SPEF2: variants seen among roughly 807,000 people sequenced by gnomAD.
SPEF2 encodes the protein sperm flagella and cilia-associated protein 2.
Under a neutral mutation model 224.6 loss-of-function variants are expected in SPEF2, and 187 were observed. The observed-to-expected ratio is 0.83, with a 90% CI of 0.74 to 0.94. The LOEUF (loss-of-function observed/expected upper bound fraction) is 0.94. SPEF2 is among the 40% of genes least tolerant of loss of function. The pLI, the probability that SPEF2 is intolerant of heterozygous loss-of-function variation, is 0.00. For missense variants in SPEF2, 2,170 were observed against 2,135.6 expected, an observed-to-expected ratio of 1.02 and a Z score of -0.32; for synonymous variants, 715 against 707.3, an observed-to-expected ratio of 1.01 and a Z score of -0.17.
intron 10 of SPEF2, chr5:35,675,786 T>G (rs1751913266): frequency 7.9e-6 from 3 of 377,410 alleles, no homozygotes; most frequent in South Asian, 5.9e-5. Flanking sequence ...GAGCAGAACA[T>G]CAATGTATTA....
At chr5:35,717,446 C>T (rs895365729) in intron 20 of SPEF2, among the ~76,000 whole-genome samples, 3 of 152,150 alleles carry the variant, frequency 2.0e-5, no homozygotes, top group Non-Finnish European at 2.9e-5. Flanking sequence ...TGCTACCAAG[C>T]CACTTAAAAT....
intron 8 of SPEF2, among the ~76,000 whole-genome samples, chr5:35,663,527 C>G (rs1324969795): frequency 1.3e-5 from 2 of 152,088 alleles, no homozygotes; most frequent in Non-Finnish European, 2.9e-5. Flanking sequence ...CTTATTCTTC[C>G]ATACCCAAAA....
intron 2 of SPEF2, among the ~76,000 whole-genome samples, chr5:35,635,579 C>T (rs188252): frequency 0.25 from 38,131 of 152,018 alleles, 7,277 homozygotes; most frequent in African/African-American, 0.54. Context: ...TCACCAAAAA[C>T]GTCAAATCCT....
At position 35,787,729 on chromosome 5, in the gene SPEF2, A is replaced by G. The variant is rs560381563; in HGVS notation, c.4448-4611A>G. 22 of 512,714 alleles carry G rather than the reference A, an allele frequency of 4.3e-5. No individual in the cohort carries two copies. In the South Asian group the frequency reaches 8.4e-4, roughly 19 times the overall value. The allele number at this position is 512,714 out of a possible 1,614,324, so 31.8% of individuals were successfully genotyped here. A position where few individuals can be genotyped will look rare whatever the true frequency, so the allele number is the denominator to read the frequency against. The stretch of plus-strand genomic sequence containing the variant: ...TGATATAAACTAGTTAAAGCACTTA[A>G]CAGAATGCCTGGTAATTAATAAGCA... On this transcript the variant is annotated intron_variant, in intron 30 of 36. Transcript: ENST00000356031.
At chr5:35,699,949 G>A (rs1464820004) in intron 15 of SPEF2, 1 of 153,306 alleles carries the variant, frequency 6.5e-6, no homozygotes, top group Non-Finnish European at 1.5e-5. Context: ...CCCACATGTT[G>A]TGGGAGGGAC....
At chr5:35,637,079 A>G (rs1469183814) in intron 2 of SPEF2, among the ~76,000 whole-genome samples, 1 of 152,036 alleles carries the variant, frequency 6.6e-6, no homozygotes, top group African/African-American at 2.4e-5. Context: ...ATGACTGCTA[A>G]ACTGCTGGTT....
At chr5:35,794,457 A>C (rs1378164149) in intron 32 of SPEF2, among the ~76,000 whole-genome samples, 1 of 152,166 alleles carries the variant, frequency 6.6e-6, no homozygotes, top group Non-Finnish European at 1.5e-5. Flanking sequence ...GGAAAAACAC[A>C]AACTATGACA....
chr5:35,738,721 T>C (rs1183527662), intron 21 of SPEF2, among the ~76,000 whole-genome samples: 1 of 151,480 alleles, frequency 6.6e-6, no homozygotes, highest in Non-Finnish European at 1.5e-5. Flanking sequence ...GTCTGTGGGG[T>C]TGGCTATTGT....
rs1747378980 is a variant in SPEF2 at position 35,740,215 on chromosome 5, A to T, written c.3278A>T (p.Asp1093Val). ...CAGGCTGATTTCAACTCCCTTCCTGATGACCTGTGGGATGATGAGGAAACA... is the reference window on the plus strand; with the variant it reads ...CAGGCTGATTTCAACTCCCTTCCTGTTGACCTGTGGGATGATGAGGAAACA... ...QWQADFNSLP[D>V]DLWDDEETKA... The change falls in exon 23 of 37, where the codon GAT (aspartate) becomes GTT (valine). Residue 1093 changes from aspartate to valine, a missense_variant. Physicochemically the swap from Asp to Val is radical, Grantham distance 152. Transcript: ENST00000356031. 1 of 1,614,142 alleles carries T rather than the reference A, an allele frequency of 6.2e-7. No individual in the cohort carries two copies. The highest frequency in any genetic ancestry group is 2.2e-5 in the East Asian group (1 of 44,866).
At chr5:35,661,257 TATATATATA>T (rs1749663586) in intron 8 of SPEF2, among the ~76,000 whole-genome samples, 24 of 6,236 alleles carry the variant, frequency 3.8e-3, no homozygotes, top group African/African-American at 5.0e-3. Flanking sequence ...GTATATATTA[TATATATATA>T]TATATATATA....
intron 21 of SPEF2, among the ~76,000 whole-genome samples, chr5:35,738,953 G>A (rs2149687403): frequency 6.6e-6 from 1 of 152,132 alleles, no homozygotes; most frequent in Middle Eastern, 3.4e-3. Context: ...AGCTTTACCA[G>A]CAATTTGATG....
intron 2 of SPEF2, among the ~76,000 whole-genome samples, chr5:35,630,867 G>A (rs1281667578): frequency 6.6e-6 from 1 of 152,006 alleles, no homozygotes; most frequent in African/African-American, 2.4e-5. Context: ...ATCTCTGTGT[G>A]GCTATTAGAA....
chr5:35,771,836 T>C, intron 27 of SPEF2, 80 bp downstream of exon 27: 1 of 1,486,548 alleles, frequency 6.7e-7, no homozygotes, highest in Non-Finnish European at 9.0e-7. Context: ...CTGGACACAT[T>C]ATTAGCCTCT....
At chr5:35,629,404 G>A (rs1744770398) in intron 2 of SPEF2, among the ~76,000 whole-genome samples, 1 of 151,586 alleles carries the variant, frequency 6.6e-6, no homozygotes, top group African/African-American at 2.4e-5. Context: ...TGATCCACTT[G>A]TCTCAGCCTC....
In SPEF2 at chr5:35,695,595, T is replaced by C. The variant is rs1049262528; in HGVS notation, c.1976-140T>C. The C allele has an allele frequency of 8.5e-6, 5 of 591,172 alleles. No individual in the cohort carries two copies. The Admixed American group carries it at 1.7e-4, about 20-fold the overall frequency. 36.6% of individuals were successfully genotyped at this position (591,172 alleles called of 1,614,324 possible). On this transcript the variant is annotated intron_variant, in intron 13 of 36. Transcript: ENST00000356031. Reference sequence around the variant, plus strand: ...GGTAAAAGCTATGCTGTGGTGATTCTATTACTTCCTTCCTCTGAGCATCTC... The same window carrying C: ...GGTAAAAGCTATGCTGTGGTGATTCCATTACTTCCTTCCTCTGAGCATCTC...
At chr5:35,619,222 T>G (rs1743118812) in intron 1 of SPEF2, among the ~76,000 whole-genome samples, 1 of 152,228 alleles carries the variant, frequency 6.6e-6, no homozygotes, top group African/African-American at 2.4e-5. Context: ...AACTGTTTAT[T>G]TGCTAAAATA....
At chr5:35,785,638 C>A (rs961425691) in intron 30 of SPEF2, among the ~76,000 whole-genome samples, 2 of 137,268 alleles carry the variant, frequency 1.5e-5, no homozygotes, top group Non-Finnish European at 3.0e-5. Flanking sequence ...TCAGCACAAC[C>A]CCCCCCCACC....
intron 10 of SPEF2, 33 bp downstream of exon 10, chr5:35,670,260 C>T: frequency 6.5e-7 from 1 of 1,543,788 alleles, no homozygotes; most frequent in Non-Finnish European, 8.7e-7. Flanking sequence ...TAGAATGCTA[C>T]ATAATAAATC....
Position 35,779,355 on chromosome 5 carries a change from A to G in SPEF2, c.4447+9A>G. The G allele has an allele frequency of 6.3e-7, 1 of 1,578,740 alleles. No homozygotes were observed. Among genetic ancestry groups the G allele is most frequent in the Non-Finnish European group, 8.6e-7 (1 of 1,162,340 alleles). ...AGATATGGCACCTAAAGGTAGGAAA[A>G]ATAATTATCATGAAAAGAGCACAAA... On this transcript the variant is annotated intron_variant, in intron 30 of 36. Coordinates refer to ENST00000356031, the MANE Select transcript of SPEF2 (RefSeq NM_024867.4).
Sources: gnomAD v4.1 joint callset for allele counts (sites outside exome capture counted in the v4.1 genomes callset) on GRCh38, gnomAD v4.1.1 for gene constraint, MANE v1.5 for transcripts, NCBI Gene and HGNC (gene_info 2026-07-23, HGNC 2026-07-21) for gene names.